Variants in RNF32 observed in about 807,000 individuals in gnomAD.
RNF32 encodes the protein ring finger protein 32.
A neutral mutation model predicts 41.0 loss-of-function variants in RNF32; 36 were observed. That is an observed-to-expected ratio of 0.88 (90% CI 0.67 to 1.16). RNF32 has a LOEUF of 1.16. Among genes scored for constraint, RNF32 ranks in the 50% most tolerant of loss-of-function variants. The pLI, the probability that RNF32 is intolerant of heterozygous loss-of-function variation, is 0.00. For synonymous variants in RNF32, 154 were observed against 160.9 expected (o/e 0.96, Z 0.32); for missense variants, 413 against 436.7 (o/e 0.95, Z 0.48).
At chr7:156,654,439 G>C in intron 3 of RNF32, 137 bp from the exon 4 acceptor site, 1 of 687,524 alleles carries the variant, frequency 1.5e-6, no homozygotes, top group South Asian at 2.4e-5. Context: ...CCAATGGACA[G>C]CTTCTATTGT....
intron 4 of RNF32, among the ~76,000 whole-genome samples, chr7:156,656,835 G>A (rs1395098656): frequency 1.3e-5 from 2 of 152,242 alleles, no homozygotes; most frequent in Non-Finnish European, 2.9e-5. Flanking sequence ...CCCTCCCAAG[G>A]GAAGCAGGAG....
At position 156,676,871 on chromosome 7, in the gene RNF32, T is replaced by C. The variant is rs1804155759; in HGVS notation, c.*216T>C. On this transcript the variant is annotated 3_prime_UTR_variant, in exon 9 of 9. Coordinates refer to ENST00000317955, the MANE Select transcript of RNF32 (RefSeq NM_030936.4). ...AAAAAGTAAATTTCAAATTTATGAG[T>C]TTAATCACTTCAAATATGAATAGCA... 1.9e-6 allele frequency: 1 copy of C among 538,492 alleles called. No homozygotes were observed. Among genetic ancestry groups the C allele is most frequent in the Non-Finnish European group, 3.3e-6 (1 of 301,788 alleles). 33.4% of individuals were successfully genotyped at this position (538,492 alleles called of 1,614,324 possible).
rs772441361 is a variant in RNF32, at chr7:156,658,465, C to A, written c.579C>A (p.Ile193=). Residue 193 remains isoleucine, a synonymous_variant, in exon 7 of 9, where the codon ATC becomes ATA. Coordinates refer to ENST00000317955, the MANE Select transcript of RNF32 (RefSeq NM_030936.4). ...RLFRIKCVTR[I]QAYWRGCVVR... ...TTTTCAAATATCTGTGTTTTAGAAT[C>A]CAAGCCTACTGGAGAGGATGTGTTG... The A allele has an allele frequency of 7.5e-6, 12 of 1,610,296 alleles. No homozygotes were observed. Among genetic ancestry groups the A allele is most frequent in the Non-Finnish European group, 9.3e-6 (11 of 1,176,748 alleles).
chr7:156,651,729 C>T (rs1396125918), intron 3 of RNF32, among the ~76,000 whole-genome samples: 3 of 152,224 alleles, frequency 2.0e-5, no homozygotes, highest in Admixed American at 2.0e-4. Flanking sequence ...CCTTCTCAGA[C>T]ATTTTTCTAT....
chr7:156,654,620 T>C lies in RNF32; in HGVS notation c.319T>C (p.Ser107Pro), dbSNP rs1243308619. 3.7e-6 allele frequency: 6 copies of C among 1,613,948 alleles called. No homozygotes were observed. The African/African-American group carries it at 8.0e-5, about 22-fold the overall frequency. ...LIGPPPPPLSSDEWEKVKQRS... is the reference protein window; with the variant it reads ...LIGPPPPPLSPDEWEKVKQRS... ...TGGGCCTCCACCACCTCCACTGTCATCAGATGAATGGGAGAAGGTGAAACA... is the reference window on the plus strand; with the variant it reads ...TGGGCCTCCACCACCTCCACTGTCACCAGATGAATGGGAGAAGGTGAAACA... Residue 107 changes from serine to proline, a missense_variant, in exon 4 of 9, where the codon TCA becomes CCA. Ser to Pro is a moderately conservative substitution (Grantham distance 74, BLOSUM62 -1). Transcript: ENST00000317955.
Position 156,644,689 on chromosome 7 carries a change from A to G in RNF32, c.206A>G (p.Gln69Arg). 6.2e-7 allele frequency: 1 copy of G among 1,613,440 alleles called. No individual in the cohort carries two copies. Among genetic ancestry groups the G allele is most frequent in the Non-Finnish European group, 8.5e-7 (1 of 1,179,798 alleles). ...GATACTGGACTTAAAAAAACTACAC[A>G]GTGCCCCAAACTAGAAGACTCAGAA... is the stretch of plus-strand genomic sequence containing the variant. Reference protein sequence around the residue: ...IIDTGLKKTTQCPKLEDSEKE... With the variant: ...IIDTGLKKTTRCPKLEDSEKE... Residue 69 changes from glutamine to arginine, a missense_variant, in exon 3 of 9, where the codon CAG (glutamine) becomes CGG (arginine). Physicochemically the swap from Gln to Arg is conservative, Grantham distance 43. Coordinates refer to ENST00000317955, the MANE Select transcript of RNF32 (RefSeq NM_030936.4).
chr7:156,647,167 TTTTG>T (rs200764720), intron 3 of RNF32, among the ~76,000 whole-genome samples: 2 of 152,190 alleles, frequency 1.3e-5, no homozygotes, highest in African/African-American at 2.4e-5. Flanking sequence ...TTTTTTAATT[TTTTG>T]TTTGTTTTTT....
In RNF32 at chr7:156,658,479, G is replaced by T. The variant is rs376531522; in HGVS notation, c.593G>T (p.Arg198Ile). Residue 198 changes from arginine (R) to isoleucine (I), a missense_variant, in exon 7 of 9, where the codon AGA becomes ATA. Transcript: ENST00000317955. ...KCVTRIQAYWRGCVVRKWYRN... is the reference protein window; with the variant it reads ...KCVTRIQAYWIGCVVRKWYRN... ...TGTTTTAGAATCCAAGCCTACTGGAGAGGATGTGTTGTTAGAAAGTGGTAC... is the reference window on the plus strand; with the variant it reads ...TGTTTTAGAATCCAAGCCTACTGGATAGGATGTGTTGTTAGAAAGTGGTAC... 5 of 1,612,868 alleles carry T rather than the reference G, an allele frequency of 3.1e-6. No individual in the cohort carries two copies. In the African/African-American group the frequency reaches 6.7e-5, roughly 21 times the overall value.
At chr7:156,658,078 T>C (rs1449449176) in intron 5 of RNF32, 50 bp from the exon 6 acceptor site, 1 of 1,551,672 alleles carries the variant, frequency 6.4e-7, no homozygotes, top group South Asian at 1.1e-5. Context: ...GTAAAAACGT[T>C]GTTTATAAGT....
chr7:156,644,882 A>G (rs1438227847), intron 3 of RNF32, 125 bp downstream of exon 3: 2 of 976,708 alleles, frequency 2.0e-6, no homozygotes, highest in Non-Finnish European at 3.0e-6. Context: ...GTGTGTATGT[A>G]TTGAAGGTAT....
chr7:156,652,808 C>T (rs1178038823), intron 3 of RNF32, among the ~76,000 whole-genome samples: 2 of 152,156 alleles, frequency 1.3e-5, no homozygotes, highest in Admixed American at 1.3e-4. Context: ...TTGGTCCCAG[C>T]TTCTCAGGAG....
intron 1 of RNF32, among the ~76,000 whole-genome samples, chr7:156,642,279 A>G (rs1243174130): frequency 1.3e-5 from 2 of 152,198 alleles, no homozygotes; most frequent in Non-Finnish European, 2.9e-5. Flanking sequence ...TGGTCACAAA[A>G]ACATCGCCAA....
chr7:156,660,116 G>A (rs1487830919), intron 7 of RNF32: 7 of 985,772 alleles, frequency 7.1e-6, no homozygotes, highest in Non-Finnish European at 8.4e-6. Flanking sequence ...AGCCCTCATC[G>A]CTCGGAACGC....
In RNF32 at chr7:156,643,909, T is replaced by G; in HGVS notation, c.15+17T>G. 6.2e-7 allele frequency: 1 copy of G among 1,602,804 alleles called. No individual in the cohort carries two copies. The highest frequency in any genetic ancestry group is 8.5e-7 in the Non-Finnish European group (1 of 1,169,974). On this transcript the variant is annotated intron_variant, in intron 2 of 8. Coordinates refer to ENST00000317955, the MANE Select transcript of RNF32 (RefSeq NM_030936.4). ...AAAAATAAGGTACGCTATTCTTTTC[T>G]TAAACATACACGTTATTTGACTCAT...
upstream of RNF32, chr7:156,640,415 G>A: frequency 2.4e-6 from 1 of 415,276 alleles, no homozygotes; most frequent in Middle Eastern, 4.3e-4. Flanking sequence ...CGCGGGGCTC[G>A]GCCCTCACTA....
chr7:156,654,521 G>A, intron 3 of RNF32, 55 bp from the exon 4 acceptor site: 1 of 1,509,948 alleles, frequency 6.6e-7, no homozygotes, highest in Non-Finnish European at 9.1e-7. Flanking sequence ...AGTTATAGGT[G>A]GGTGCCATAT....
rs979586469 is a variant in RNF32, at chr7:156,675,843, T to G, written c.832T>G (p.Trp278Gly). 3 of 1,613,858 alleles carry G rather than the reference T, an allele frequency of 1.9e-6. No homozygotes were observed. Among genetic ancestry groups the G allele is most frequent in the South Asian group, 2.2e-5 (2 of 91,076 alleles). Residue 278 changes from tryptophan to glycine, a missense_variant, in exon 8 of 9, where the codon TGG (tryptophan) becomes GGG (glycine). Transcript: ENST00000317955. ...TGGCCATGAGATCACAGAAGAGGAATGGGAGAAAATCCAAGTGCAGGTAGG... is the reference window on the plus strand; with the variant it reads ...TGGCCATGAGATCACAGAAGAGGAAGGGGAGAAAATCCAAGTGCAGGTAGG... Reference protein sequence around the residue: ...KCGHEITEEEWEKIQVQALRR... With the variant: ...KCGHEITEEEGEKIQVQALRR...
chr7:156,672,758 T>TG (rs1275921077), intron 7 of RNF32, among the ~76,000 whole-genome samples: 1 of 152,266 alleles, frequency 6.6e-6, no homozygotes, highest in Non-Finnish European at 1.5e-5. Context: ...ACACTTACTC[T>TG]GTTCCTCTCT....
intron 7 of RNF32, among the ~76,000 whole-genome samples, chr7:156,671,039 C>T (rs1232030741): frequency 6.6e-6 from 1 of 152,040 alleles, no homozygotes; most frequent in Non-Finnish European, 1.5e-5. Context: ...TGTATTGGTT[C>T]GAGGGATAAA....
Sources: allele counts gnomAD v4.1 joint callset (sites outside exome capture counted in the v4.1 genomes callset), GRCh38; gene constraint gnomAD v4.1.1; transcripts MANE v1.5; gene names NCBI Gene and HGNC (gene_info 2026-07-23, HGNC 2026-07-21).